The following CNBD1 variants were observed in gnomAD, a reference collection of about 807,000 sequenced individuals.
CNBD1 encodes cyclic nucleotide-binding domain-containing protein 1.
CNBD1 carries 71 observed loss-of-function variants against 54.4 expected under a neutral mutation model. The ratio of observed to expected loss-of-function variants is 1.30; its 90% CI spans 1.08 to 1.59. CNBD1 has a LOEUF of 1.59. CNBD1 is among the 40% of genes most tolerant of loss of function. CNBD1 has a pLI of 0.00. For synonymous variants in CNBD1, 182 were observed against 170.7 expected, an observed-to-expected ratio of 1.07 and a Z score of -0.51; for missense variants, 659 against 518.0, an observed-to-expected ratio of 1.27 and a Z score of -2.64.
downstream of CNBD1, among the ~76,000 whole-genome samples, chr8:87,384,090 T>C (rs1811140288): frequency 6.6e-6 from 1 of 152,116 alleles, no homozygotes. Context: ...TGGCTTGTCC[T>C]TTATAGTGAA....
At chr8:86,955,877 T>C (rs1445810011) in intron 4 of CNBD1, among the ~76,000 whole-genome samples, 1 of 152,256 alleles carries the variant, frequency 6.6e-6, no homozygotes, top group Non-Finnish European at 1.5e-5. Flanking sequence ...GCCATTGCTT[T>C]TGGTGTTTTA....
At chr8:87,332,994 C>T (rs1809868421) in intron 8 of CNBD1, among the ~76,000 whole-genome samples, 7 of 152,046 alleles carry the variant, frequency 4.6e-5, no homozygotes, top group Admixed American at 3.9e-4. Flanking sequence ...TTGATTCTTC[C>T]CATCTATGAG....
intron 10 of CNBD1, among the ~76,000 whole-genome samples, chr8:87,355,544 A>G (rs541739879): frequency 1.3e-5 from 2 of 152,326 alleles, no homozygotes; most frequent in South Asian, 2.1e-4. Context: ...CAAATTGGAA[A>G]TACAATTGAG....
intron 6 of CNBD1, among the ~76,000 whole-genome samples, chr8:87,263,290 C>T (rs1446378779): frequency 6.6e-6 from 1 of 152,100 alleles, no homozygotes; most frequent in African/African-American, 2.4e-5. Flanking sequence ...ATAATACTAG[C>T]AGTTGAAACT....
intron 8 of CNBD1, among the ~76,000 whole-genome samples, chr8:87,317,880 T>TGC (rs1809430956): frequency 6.6e-6 from 1 of 151,340 alleles, no homozygotes; most frequent in Non-Finnish European, 1.5e-5. Context: ...TTCTAATATG[T>TGC]ATGTGTATAT....
chr8:87,371,012 A>C (rs980073649), intron 10 of CNBD1, among the ~76,000 whole-genome samples: 7 of 150,258 alleles, frequency 4.7e-5, no homozygotes, highest in Admixed American at 2.7e-4. Context: ...TGTTTTTCTC[A>C]GGTTTGTCAA....
intron 8 of CNBD1, among the ~76,000 whole-genome samples, chr8:87,345,994 C>T (rs1810168485): frequency 6.6e-6 from 1 of 152,004 alleles, no homozygotes; most frequent in Non-Finnish European, 1.5e-5. Context: ...AGTTTCATGG[C>T]CCTGATTATA....
At chr8:87,255,142 C>A (rs1437160301) in intron 6 of CNBD1, among the ~76,000 whole-genome samples, 1 of 151,942 alleles carries the variant, frequency 6.6e-6, no homozygotes, top group Non-Finnish European at 1.5e-5. Context: ...TACTTAAGAC[C>A]CTTTGCATTT....
At chr8:87,281,736 G>A (rs571309478) in intron 6 of CNBD1, among the ~76,000 whole-genome samples, 3 of 150,388 alleles carry the variant, frequency 2.0e-5, no homozygotes, top group Non-Finnish European at 4.5e-5. Flanking sequence ...TATTTTAATA[G>A]ATATTGCCAG....
intron 4 of CNBD1, among the ~76,000 whole-genome samples, chr8:87,041,573 CGGATCATGA>C (rs1810068843): frequency 6.6e-6 from 1 of 152,032 alleles, no homozygotes; most frequent in Admixed American, 6.6e-5. Flanking sequence ...CCAAGGCAGG[CGGATCATGA>C]GGTCAGGAGA....
chr8:87,411,395 A>G (rs1354532261), intron 2 of CNBD1, among the ~76,000 whole-genome samples: 1 of 28,932 alleles, frequency 3.5e-5, no homozygotes, highest in Non-Finnish European at 5.3e-5. Flanking sequence ...ACCTAGCTAT[A>G]TCATATATAT....
intron 4 of CNBD1, among the ~76,000 whole-genome samples, chr8:87,189,661 A>G (rs1813557553): frequency 6.6e-6 from 1 of 152,206 alleles, no homozygotes; most frequent in African/African-American, 2.4e-5. Flanking sequence ...TCAATGGTGT[A>G]TAGGAATAGC....
intron 6 of CNBD1, among the ~76,000 whole-genome samples, chr8:87,249,770 AGTT>A (rs1225242545): frequency 2.0e-5 from 3 of 152,154 alleles, no homozygotes; most frequent in African/African-American, 7.2e-5. Flanking sequence ...AATTCTCAGG[AGTT>A]AGTTTGACAG....
At chr8:87,410,914 C>T (rs1410044485) in intron 2 of CNBD1, among the ~76,000 whole-genome samples, 1 of 152,000 alleles carries the variant, frequency 6.6e-6, no homozygotes, top group East Asian at 1.9e-4. Flanking sequence ...ACTGAAAGCT[C>T]GGATGATTGT....
intron 4 of CNBD1, among the ~76,000 whole-genome samples, chr8:86,963,360 C>T (rs560197059): frequency 1.3e-5 from 2 of 152,296 alleles, no homozygotes; most frequent in South Asian, 2.1e-4. Flanking sequence ...TAGTCATGCT[C>T]ACCTGCACTG....
intron 10 of CNBD1, among the ~76,000 whole-genome samples, chr8:87,362,235 A>G (rs1381732499): frequency 6.6e-6 from 1 of 152,090 alleles, no homozygotes; most frequent in Non-Finnish European, 1.5e-5. Context: ...GGTGAAGATG[A>G]TATTAGAAAC....
chr8:87,104,721 C>A (rs1811498176), intron 4 of CNBD1, among the ~76,000 whole-genome samples: 1 of 152,314 alleles, frequency 6.6e-6, no homozygotes, highest in African/African-American at 2.4e-5. Context: ...TTGTTTCAGT[C>A]TTGCCTTTTC....
chr8:87,407,600 C>G (rs1228524582), intron 2 of CNBD1, among the ~76,000 whole-genome samples: 1 of 151,964 alleles, frequency 6.6e-6, no homozygotes, highest in Non-Finnish European at 1.5e-5. Context: ...TTTGTATGGA[C>G]TTTCACTTCA....
At chr8:87,319,905 A>C (rs1229063283) in intron 8 of CNBD1, among the ~76,000 whole-genome samples, 2 of 152,000 alleles carry the variant, frequency 1.3e-5, no homozygotes, top group Non-Finnish European at 2.9e-5. Flanking sequence ...TTTTGTCCTA[A>C]GTTCTTGATG....
Sources: allele counts gnomAD v4.1 joint callset (sites outside exome capture counted in the v4.1 genomes callset), GRCh38; gene constraint gnomAD v4.1.1; transcripts MANE v1.5; gene names NCBI Gene and HGNC (gene_info 2026-07-23, HGNC 2026-07-21).